The following VWF variants were observed in gnomAD, a reference collection of about 807,000 sequenced individuals.
VWF encodes the protein Factor VIII related antigen.
A neutral mutation model predicts 308.6 loss-of-function variants in VWF; 176 were observed. That is an observed-to-expected ratio of 0.57 (90% CI 0.50 to 0.65). The LOEUF (loss-of-function observed/expected upper bound fraction) is 0.65. Among genes scored for constraint, VWF ranks in the 30% least tolerant of loss-of-function variants. The pLI is 0.00. For synonymous variants in VWF, 1,385 were observed against 1,443.4 expected, an observed-to-expected ratio of 0.96 and a Z score of 0.92; for missense variants, 3,146 against 3,648.2, an observed-to-expected ratio of 0.86 and a Z score of 3.55.
chr12:6,025,518 T>A, intron 24 of VWF, 62 bp downstream of exon 24: 3 of 1,329,738 alleles, frequency 2.3e-6, no homozygotes, highest in Non-Finnish European at 3.2e-6. Flanking sequence ...TCACACTCTG[T>A]GTCCATACCA....
intron 5 of VWF, among the ~76,000 whole-genome samples, chr12:6,104,942 T>C (rs565613261): frequency 6.6e-6 from 1 of 152,320 alleles, no homozygotes; most frequent in South Asian, 2.1e-4. Flanking sequence ...TCGCATCTTT[T>C]GCAGCAACAT....
chr12:6,095,454 A>G lies in VWF; in HGVS notation c.657+6T>C. 6.2e-7 allele frequency: 1 copy of G among 1,613,994 alleles called. No homozygotes were observed. Among genetic ancestry groups the G allele is most frequent in the Non-Finnish European group, 8.5e-7 (1 of 1,179,952 alleles). On this transcript the variant is annotated splice_donor_region_variant and intron_variant, in intron 6 of 51. Coordinates refer to ENST00000261405, the MANE Select transcript of VWF (RefSeq NM_000552.5). ...TCCAGGTGCACCCAGGCCAGTCCAC[A>G]CCCACCTTCTGCATTTCCCCAGAGG...
intron 13 of VWF, 114 bp downstream of exon 13, chr12:6,062,840 C>T: frequency 1.2e-6 from 1 of 848,432 alleles, no homozygotes; most frequent in Non-Finnish European, 1.9e-6. Context: ...GGGGTGTAGG[C>T]CATGAGGAGA....
chr12:6,105,714 A>G (rs1055430467), intron 5 of VWF, among the ~76,000 whole-genome samples: 3 of 152,182 alleles, frequency 2.0e-5, no homozygotes, highest in African/African-American at 7.2e-5. Context: ...ATTAGAAATC[A>G]TCCAGGAATT....
intron 3 of VWF, among the ~76,000 whole-genome samples, chr12:6,113,724 C>G (rs540396389): frequency 2.6e-5 from 4 of 152,200 alleles, no homozygotes; most frequent in Non-Finnish European, 4.4e-5. Flanking sequence ...TGTCGAAAAA[C>G]CAAACAAATG....
chr12:6,071,346 G>A lies in VWF; in HGVS notation c.1110-3C>T, dbSNP rs2136469490. ...TCCACTGGCTGTTTCGGCAAATGCT[G>A]TTGGAGGGAAAAAGCACAGGTCATT... On this transcript the variant is annotated splice_polypyrimidine_tract_variant and splice_region_variant and intron_variant, in intron 9 of 51. Transcript: ENST00000261405. 1 of 1,614,128 alleles carries A rather than the reference G, an allele frequency of 6.2e-7. No homozygotes were observed. Among genetic ancestry groups the A allele is most frequent in the Non-Finnish European group, 8.5e-7 (1 of 1,180,008 alleles).
Position 6,025,659 on chromosome 12 carries a change from T to C in VWF, c.3143A>G (p.Asn1048Ser), listed in dbSNP as rs1346648857. 3 of 1,573,276 alleles carry C rather than the reference T, an allele frequency of 1.9e-6. No individual in the cohort carries two copies. Among genetic ancestry groups the C allele is most frequent in the African/African-American group, 2.7e-5 (2 of 73,784 alleles). The change falls in exon 24 of 52, where the codon AAC becomes AGC. Residue 1048 changes from asparagine to serine, a missense_variant. Physicochemically the swap from Asn to Ser is conservative, Grantham distance 46. Around this residue, in one of 3 missense-constraint regions of VWF, gnomAD observed 853 missense variants for 1,177.8 expected, o/e 0.72. Coordinates refer to ENST00000261405, the MANE Select transcript of VWF (RefSeq NM_000552.5). The part of the protein sequence containing the change: ...PLDSSPATCH[N>S]NIMKQTMVDS... ...CACCATCGTCTGCTTCATGATGTTGTTATGGCAGGTGGCAGGGGATGAGTC... is the reference window on the plus strand; with the variant it reads ...CACCATCGTCTGCTTCATGATGTTGCTATGGCAGGTGGCAGGGGATGAGTC...
At chr12:5,998,486 AAAAAAAAAAAAAATATATATATATAT>A (rs1358950319) in intron 34 of VWF, among the ~76,000 whole-genome samples, 91 of 59,650 alleles carry the variant, frequency 1.5e-3, no homozygotes, top group East Asian at 3.7e-3. Flanking sequence ...AAAAAAAAAA[AAAAAAAAAAAAAATATATATATATAT>A]ATATATATAT....
At chr12:6,043,413 C>A (rs1292925517) in intron 18 of VWF, among the ~76,000 whole-genome samples, 1 of 152,206 alleles carries the variant, frequency 6.6e-6, no homozygotes, top group Non-Finnish European at 1.5e-5. Context: ...ATCTGAGAGC[C>A]ACCCTCTCCC....
chr12:6,042,953 T>C (rs1030722341), intron 18 of VWF, among the ~76,000 whole-genome samples: 5 of 152,172 alleles, frequency 3.3e-5, no homozygotes, highest in Non-Finnish European at 7.4e-5. Context: ...ACACTCTACC[T>C]AAGAGGCCCC....
intron 31 of VWF, among the ~76,000 whole-genome samples, chr12:6,014,381 G>C (rs1944034234): frequency 6.6e-6 from 1 of 152,288 alleles, no homozygotes; most frequent in South Asian, 2.1e-4. Flanking sequence ...TGATCTGCAG[G>C]GGACAAAGGT....
chr12:6,123,585 G>A (rs954794133), intron 1 of VWF, among the ~76,000 whole-genome samples: 6 of 152,172 alleles, frequency 3.9e-5, no homozygotes, highest in South Asian at 2.1e-4. Flanking sequence ...AGTAGGAACC[G>A]TCTTACACTT....
intron 45 of VWF, 150 bp from the exon 46 acceptor site, chr12:5,968,317 T>C (rs1289684032): frequency 1.2e-6 from 1 of 863,954 alleles, no homozygotes; most frequent in African/African-American, 1.7e-5. Flanking sequence ...AACCCAGCGC[T>C]GGGGGTCCTA....
rs886926817 is a variant in VWF at position 6,063,671 on chromosome 12, A to G, written c.1432+575T>C. 2.0e-5 allele frequency among the ~76,000 whole-genome samples: 3 copies of G among 152,198 alleles called. No individual in the cohort carries two copies. Among genetic ancestry groups the G allele is most frequent in the African/African-American group, 7.2e-5 (3 of 41,440 alleles). ...AAGTGGCCAGCAGTTGTGGAGAAGA[A>G]GGAAGAGTCTGAGAGCCACTTTGAG... On this transcript the variant is annotated intron_variant, in intron 12 of 51. Coordinates refer to ENST00000261405, the MANE Select transcript of VWF (RefSeq NM_000552.5). This position sits in a 1 kb window ranked among gnomAD's most constrained non-coding sequence, Gnocchi z 4.9.
Position 6,018,671 on chromosome 12 carries a change from G to A in VWF, c.4747C>T (p.Arg1583Trp), listed in dbSNP as rs61750116. Residue 1583 changes from arginine to tryptophan, a missense_variant, in exon 28 of 52, where the codon CGG becomes TGG. This residue lies in a region of VWF where 853 missense variants were observed against 1,177.8 expected (regional missense o/e 0.72). Coordinates refer to ENST00000261405, the MANE Select transcript of VWF (RefSeq NM_000552.5). ...GNRTNTGLALRYLSDHSFLVS... is the reference protein window; with the variant it reads ...GNRTNTGLALWYLSDHSFLVS... ...AAGAAGCTGTGGTCAGAGAGGTACC[G>A]CAGGGCCAGCCCAGTGTTGGTCCTG... 8.2e-5 allele frequency: 132 copies of A among 1,613,756 alleles called. No individual in the cohort carries two copies. The highest frequency in any genetic ancestry group is 1.7e-4 in the Admixed American group (10 of 60,024).
Position 5,949,154 on chromosome 12 carries a change from T to G in VWF, c.8303A>C (p.Gln2768Pro). 6.2e-7 allele frequency: 1 copy of G among 1,614,270 alleles called. No homozygotes were observed. The highest frequency in any genetic ancestry group is 8.5e-7 in the Non-Finnish European group (1 of 1,180,052). ...AMYSIDINDV[Q>P]DQCSCCSPTR... ...CGGAGAGCAGCAGGAGCACTGGTCC[T>G]GCACATCGTTGATGTCAATGGAGTA... is the stretch of plus-strand genomic sequence containing the variant. Residue 2768 changes from glutamine to proline, a missense_variant, in exon 52 of 52, where the codon CAG (glutamine) becomes CCG (proline). Physicochemically the swap from Gln to Pro is moderately conservative, Grantham distance 76. This residue lies in a region of VWF where 989 missense variants were observed against 1,117.4 expected (regional missense o/e 0.89). Transcript: ENST00000261405.
At chr12:5,973,586 A>G (rs10849366) in intron 43 of VWF, among the ~76,000 whole-genome samples, 101,605 of 152,086 alleles carry the variant, frequency 0.67, 34,647 homozygotes, top group Middle Eastern at 0.86. Flanking sequence ...TAACAGGACG[A>G]GCTCTGGGCT....
intron 47 of VWF, among the ~76,000 whole-genome samples, chr12:5,958,080 A>C (rs7979264): frequency 0.026 from 3,899 of 152,254 alleles, 188 homozygotes; most frequent in African/African-American, 0.088. Context: ...TACAGTGAAA[A>C]GGCCAATAAA....
intron 32 of VWF, among the ~76,000 whole-genome samples, chr12:6,012,505 C>CA (rs746708470): frequency 1.3e-5 from 2 of 152,200 alleles, no homozygotes; most frequent in Non-Finnish European, 2.9e-5. Context: ...GGAGAGCTGC[C>CA]ATCTCTCTGT....
Sources: gnomAD v4.1 joint callset for allele counts (sites outside exome capture counted in the v4.1 genomes callset) on GRCh38, gnomAD v4.1.1 for gene constraint, gnomAD v4.1.1 regional missense constraint, Gnocchi (gnomAD v3.1) non-coding constraint, MANE v1.5 for transcripts, NCBI Gene and HGNC (gene_info 2026-07-23, HGNC 2026-07-21) for gene names.